MOB3A: variants seen among roughly 807,000 people sequenced by gnomAD.
The protein encoded by MOB3A is MOB kinase activator 3A, also known as MOB LAK.
Under a neutral mutation model 17.8 loss-of-function variants are expected in MOB3A, and 17 were observed. The observed-to-expected ratio is 0.95, with a 90% CI of 0.65 to 1.43. MOB3A has a LOEUF of 1.43. Among genes scored for constraint, MOB3A ranks in the 40% most tolerant of loss-of-function variants. The pLI, the probability that MOB3A is intolerant of heterozygous loss-of-function variation, is 0.00. For synonymous variants in MOB3A, 124 were observed against 133.2 expected (o/e 0.93, Z 0.48); for missense variants, 333 against 310.8 (o/e 1.07, Z -0.54).
In MOB3A at chr19:2,078,694, G is replaced by A. The variant is rs776480355; in HGVS notation, c.-119-15C>T. 8.2e-6 allele frequency: 7 copies of A among 853,874 alleles called. No individual in the cohort carries two copies. The highest frequency in any genetic ancestry group is 1.2e-5 in the Non-Finnish European group (7 of 567,804). The allele number at this position is 853,874 out of a possible 1,614,324, so 52.9% of individuals were successfully genotyped here. ...CTCCCGCGGACCTGAAATACACAGG[G>A]GAATCATGACCTGCTGGAGGCGACA... On this transcript the variant is annotated splice_polypyrimidine_tract_variant and intron_variant, in intron 2 of 4. Coordinates refer to ENST00000357066, the MANE Select transcript of MOB3A (RefSeq NM_130807.3).
At chr19:2,077,684 T>C (rs1363744710) in intron 3 of MOB3A, among the ~76,000 whole-genome samples, 1 of 152,058 alleles carries the variant, frequency 6.6e-6, no homozygotes, top group Non-Finnish European at 1.5e-5. Context: ...GATCCTGTCA[T>C]TCTCTGCTTT....
chr19:2,092,645 C>A (rs748115946), intron 1 of MOB3A, among the ~76,000 whole-genome samples: 5 of 149,580 alleles, frequency 3.3e-5, no homozygotes, highest in African/African-American at 9.9e-5. Flanking sequence ...GTAATCCCAG[C>A]TACTCAGGAG....
At chr19:2,089,714 C>T (rs1254725464) in intron 1 of MOB3A, among the ~76,000 whole-genome samples, 2 of 152,112 alleles carry the variant, frequency 1.3e-5, no homozygotes, top group Non-Finnish European at 2.9e-5. Context: ...TGGTTTACAC[C>T]GTCTGCCATA....
At position 2,071,736 on chromosome 19, in the gene MOB3A, T is replaced by A. The variant is rs116204589; in HGVS notation, c.*1659A>T. On this transcript the variant is annotated 3_prime_UTR_variant, in exon 5 of 5. Transcript: ENST00000357066. ...CAGAAAAAGGGGTTCAACTGGAAGT[T>A]TGCAGCATCTGGGAAAGGCCAATTC... The A allele has an allele frequency of 6.6e-6, 1 of 152,562 alleles. No individual in the cohort carries two copies. Among genetic ancestry groups the A allele is most frequent in the Non-Finnish European group, 1.5e-5 (1 of 68,278 alleles). The allele number at this position is 152,562 out of a possible 1,614,324, so 9.5% of individuals were successfully genotyped here.
intron 2 of MOB3A, among the ~76,000 whole-genome samples, chr19:2,080,165 G>A (rs185435675): frequency 6.6e-5 from 10 of 152,282 alleles, no homozygotes; most frequent in African/African-American, 2.4e-4. Flanking sequence ...CCTTCTGGAC[G>A]GGCAGAGACT....
chr19:2,092,247 C>A (rs1361405986), intron 1 of MOB3A, among the ~76,000 whole-genome samples: 4 of 151,570 alleles, frequency 2.6e-5, no homozygotes, highest in Admixed American at 2.6e-4. Context: ...ACCACAGGTG[C>A]ACGCCACCAC....
chr19:2,084,073 A>T, intron 2 of MOB3A: 1 of 456,374 alleles, frequency 2.2e-6, no homozygotes, highest in South Asian at 1.6e-5. Context: ...TGCCTGGCTG[A>T]GGCTTATCTT....
rs2017362980 is a variant in MOB3A at position 2,073,354 on chromosome 19, G to T, written c.*41C>A. On this transcript the variant is annotated 3_prime_UTR_variant, in exon 5 of 5. Coordinates refer to ENST00000357066, the MANE Select transcript of MOB3A (RefSeq NM_130807.3). ...GAGCGTCCTCCTCCAAGTCTCCGAG[G>T]CCCCAGCGGCGGTTCGGGCACCGGG... 1.2e-6 allele frequency: 2 copies of T among 1,611,188 alleles called. No individual in the cohort carries two copies. The highest frequency in any genetic ancestry group is 2.2e-5 in the East Asian group (1 of 44,872).
At position 2,076,871 on chromosome 19, in the gene MOB3A, C is replaced by T; in HGVS notation, c.564G>A (p.Lys188=). ...ACTCCTTGACGAAATAGTAGAAGTG[C>T]TTGTAGCAGGTGTTCACGTGGGCCT... The part of the protein sequence containing the change: ...GSEAHVNTCY[K]HFYYFVKEFG... Residue 188 remains lysine, a synonymous_variant, in exon 4 of 5, where the codon AAG becomes AAA. Coordinates refer to ENST00000357066, the MANE Select transcript of MOB3A (RefSeq NM_130807.3). 1.2e-6 allele frequency: 2 copies of T among 1,614,098 alleles called. No homozygotes were observed. The highest frequency in any genetic ancestry group is 1.3e-5 in the African/African-American group (1 of 75,064).
intron 2 of MOB3A, among the ~76,000 whole-genome samples, chr19:2,080,460 CT>C (rs2017473182): frequency 6.6e-6 from 1 of 152,090 alleles, no homozygotes; most frequent in Admixed American, 6.6e-5. Flanking sequence ...TCACTGCAGC[CT>C]CCACCTCCCG....
Position 2,093,421 on chromosome 19 carries a change from C to T in MOB3A, c.-274+2805G>A, listed in dbSNP as rs890316859. ...GAAAAGGCAAATCCGACTTCAGAAA[C>T]GGGATTCTGGGAGGAGGCCTTCACT... is the stretch of plus-strand genomic sequence containing the variant. On this transcript the variant is annotated intron_variant, in intron 1 of 4. Transcript: ENST00000357066. This position sits in a 1 kb window ranked among gnomAD's most constrained non-coding sequence, Gnocchi z 4.6. Among the ~76,000 whole-genome samples, 2 of 152,148 alleles carry T rather than the reference C, an allele frequency of 1.3e-5. No homozygotes were observed. The highest frequency in any genetic ancestry group is 2.4e-5 in the African/African-American group (1 of 41,452).
intron 2 of MOB3A, among the ~76,000 whole-genome samples, chr19:2,084,782 C>A (rs1463065168): frequency 6.6e-6 from 1 of 151,850 alleles, no homozygotes; most frequent in Admixed American, 6.6e-5. Flanking sequence ...GTAGAGATGG[C>A]GTTTCACCAT....
Position 2,073,416 on chromosome 19 carries a change from C to T in MOB3A, c.633G>A (p.Met211Ile), listed in dbSNP as rs752069035. ...DTKELEPLKE[M>I]TARMCH Reference sequence around the variant, plus strand: ...GCTCTCAGTGGCACATCCGGGCGGTCATTTCTTTCTGTAAAGAGCAAGCAA... The same window carrying T: ...GCTCTCAGTGGCACATCCGGGCGGTTATTTCTTTCTGTAAAGAGCAAGCAA... Residue 211 changes from methionine to isoleucine, a missense_variant, in exon 5 of 5, where the codon ATG becomes ATA. Transcript: ENST00000357066. 49 of 1,613,734 alleles carry T rather than the reference C, an allele frequency of 3.0e-5. No individual in the cohort carries two copies. The highest frequency in any genetic ancestry group is 4.1e-5 in the Non-Finnish European group (48 of 1,180,018).
At chr19:2,092,753 CAAA>C (rs745800527) in intron 1 of MOB3A, among the ~76,000 whole-genome samples, 4 of 48,228 alleles carry the variant, frequency 8.3e-5, no homozygotes, top group Admixed American at 6.9e-4. Context: ...AACTCCATCT[CAAA>C]AAAAAAAAAA....
intron 2 of MOB3A, among the ~76,000 whole-genome samples, chr19:2,079,715 G>C (rs377037242): frequency 6.6e-6 from 1 of 152,218 alleles, no homozygotes; most frequent in African/African-American, 2.4e-5. Context: ...TGGTCACTGG[G>C]TCAGGGACCC....
intron 1 of MOB3A, among the ~76,000 whole-genome samples, chr19:2,089,352 C>A (rs1196063490): frequency 1.3e-5 from 2 of 152,178 alleles, no homozygotes; most frequent in Non-Finnish European, 2.9e-5. Context: ...TCTGCTGCGT[C>A]TGCCACTAGG....
intron 2 of MOB3A, among the ~76,000 whole-genome samples, chr19:2,081,162 G>C (rs2017482154): frequency 6.6e-6 from 1 of 152,040 alleles, no homozygotes; most frequent in Non-Finnish European, 1.5e-5. Flanking sequence ...GATCCTTCTG[G>C]AGGCCCCAGG....
intron 2 of MOB3A, among the ~76,000 whole-genome samples, chr19:2,081,359 G>A (rs551109584): frequency 6.6e-6 from 1 of 152,250 alleles, no homozygotes; most frequent in East Asian, 1.9e-4. Flanking sequence ...AGGCCGAGGC[G>A]GGTGGATCAC....
At position 2,087,169 on chromosome 19, in the gene MOB3A, G is replaced by A. The variant is rs148872422; in HGVS notation, c.-273-1841C>T. On this transcript the variant is annotated intron_variant, in intron 1 of 4. Coordinates refer to ENST00000357066, the MANE Select transcript of MOB3A (RefSeq NM_130807.3). Reference sequence around the variant, plus strand: ...AGGCCCCTCTGGGCCAGGTGCTATCGAGGGCTTAGCATACTGTCCTAATTC... The same window carrying A: ...AGGCCCCTCTGGGCCAGGTGCTATCAAGGGCTTAGCATACTGTCCTAATTC... Among the ~76,000 whole-genome samples, 34 of 152,344 alleles carry A rather than the reference G, an allele frequency of 2.2e-4. 1 individual carries two copies. In the East Asian group the frequency reaches 6.2e-3, roughly 28 times the overall value.
Sources: gnomAD v4.1 joint callset for allele counts (sites outside exome capture counted in the v4.1 genomes callset) on GRCh38, gnomAD v4.1.1 for gene constraint, Gnocchi (gnomAD v3.1) non-coding constraint, MANE v1.5 for transcripts, NCBI Gene and HGNC (gene_info 2026-07-23, HGNC 2026-07-21) for gene names.